KLF4: variants seen among roughly 807,000 people sequenced by gnomAD.
KLF4 encodes KLF transcription factor 4, also known as Krueppel-like factor 4.
In KLF4, 14 loss-of-function variants were observed where a neutral mutation model predicts 38.0. The ratio of observed to expected loss-of-function variants is 0.37; its 90% confidence interval spans 0.24 to 0.58. KLF4 has a LOEUF of 0.58. Ranked by LOEUF, KLF4 falls within the 20% of genes least tolerant of loss-of-function variation. The probability of loss-of-function intolerance (pLI) is 0.76; values close to 1 mark genes in which losing one functional copy is unlikely to be tolerated. For synonymous variants in KLF4, 398 were observed against 302.5 expected (o/e 1.32, Z -3.28); for missense variants, 737 against 670.1 (o/e 1.10, Z -1.10).
In KLF4 at chr9:107,487,928, C is replaced by A. The variant is rs1456009166; in HGVS notation, c.466G>T (p.Ala156Ser). Residue 156 changes from alanine to serine, a missense_variant, in exon 3 of 5, where the codon GCC becomes TCC. By Grantham distance (99) the Ala-to-Ser change is moderately conservative. Coordinates refer to ENST00000374672, the MANE Select transcript of KLF4 (RefSeq NM_004235.6). The surrounding 1 kb of genome is among the most constrained non-coding windows in gnomAD (Gnocchi z 6.1). ...STCSFTYPIR[A>S]GNDPGVAPGG... ...GGCGCCACGCCCGGGTCGTTCCCGG[C>A]CCGGATCGGATAGGTGAAGCTGCAG... 6 of 1,577,842 alleles carry A rather than the reference C, an allele frequency of 3.8e-6. No homozygotes were observed. The South Asian group carries it at 6.9e-5, about 18-fold the overall frequency.
Position 107,488,327 on chromosome 9 carries a change from C to G in KLF4, c.127-60G>C. 6.7e-7 allele frequency: 1 copy of G among 1,481,654 alleles called. No homozygotes were observed. Among genetic ancestry groups the G allele is most frequent in the Non-Finnish European group, 8.9e-7 (1 of 1,120,170 alleles). The allele number at this position is 1,481,654 out of a possible 1,614,324, so 91.8% of individuals were successfully genotyped here. A position where few individuals can be genotyped will look rare whatever the true frequency, so the allele number is the denominator to read the frequency against. ...TGGTCCCCTGTTGCCACCCGACATA[C>G]TGACGTGCTGGCGGGCCACGCGCGA... On this transcript the variant is annotated intron_variant, in intron 2 of 4. Transcript: ENST00000374672. This position sits in a 1 kb window ranked among gnomAD's most constrained non-coding sequence, Gnocchi z 5.7.
At position 107,485,651 on chromosome 9, in the gene KLF4, C is replaced by G. The variant is rs1829046337; in HGVS notation, c.*100G>C. 2.3e-5 allele frequency: 28 copies of G among 1,204,606 alleles called. No individual in the cohort carries two copies. The South Asian group carries it at 4.5e-4, about 19-fold the overall frequency. The allele number at this position is 1,204,606 out of a possible 1,614,324, so 74.6% of individuals were successfully genotyped here. A position where few individuals can be genotyped will look rare whatever the true frequency, so the allele number is the denominator to read the frequency against. On this transcript the variant is annotated 3_prime_UTR_variant, in exon 5 of 5. Transcript: ENST00000374672. The surrounding 1 kb of genome is among the most constrained non-coding windows in gnomAD (Gnocchi z 4.9). ...TGGGAACTTGACCATGATTGTAGTG[C>G]TTTCTGGCTGGGCTCCTTCCCTCAT...
At position 107,487,936 on chromosome 9, in the gene KLF4, G is replaced by C; in HGVS notation, c.458C>G (p.Pro153Arg). Residue 153 changes from proline (P) to arginine (R), a missense_variant, in exon 3 of 5, where the codon CCG (proline) becomes CGG (arginine). This residue lies in a region of KLF4 where 695 missense variants were observed against 554.5 expected (regional missense o/e 1.25). Transcript: ENST00000374672. This position sits in a 1 kb window ranked among gnomAD's most constrained non-coding sequence, Gnocchi z 6.1. The part of the protein sequence containing the change: ...SAPSTCSFTY[P>R]IRAGNDPGVA... Reference sequence around the variant, plus strand: ...GCCCGGGTCGTTCCCGGCCCGGATCGGATAGGTGAAGCTGCAGGTGGAGGG... The same window carrying C: ...GCCCGGGTCGTTCCCGGCCCGGATCCGATAGGTGAAGCTGCAGGTGGAGGG... 1 of 1,581,332 alleles carries C rather than the reference G, an allele frequency of 6.3e-7. No homozygotes were observed. Among genetic ancestry groups the C allele is most frequent in the Non-Finnish European group, 8.6e-7 (1 of 1,164,370 alleles).
In KLF4 at chr9:107,489,558, T is replaced by A. The variant is rs1829157026; in HGVS notation, c.-386A>T. ...GAGACTGGCTGCCGTGGCGCGGAGC[T>A]GCGAACTGGTCGGCGGCGCAAGGCG... On this transcript the variant is annotated 5_prime_UTR_variant, in exon 1 of 5. Transcript: ENST00000374672. 4.5e-6 allele frequency: 1 copy of A among 222,772 alleles called. No homozygotes were observed. Among genetic ancestry groups the A allele is most frequent in the Non-Finnish European group, 8.8e-6 (1 of 114,182 alleles). 13.8% of individuals were successfully genotyped at this position (222,772 alleles called of 1,614,324 possible). A position where few individuals can be genotyped will look rare whatever the true frequency, so the allele number is the denominator to read the frequency against.
rs34660570 is a variant in KLF4 at position 107,487,890 on chromosome 9, G to T, written c.504C>A (p.Gly168=). 1.9e-6 allele frequency: 3 copies of T among 1,553,668 alleles called. No homozygotes were observed. The Admixed American group carries it at 5.8e-5, about 30-fold the overall frequency. The change falls in exon 3 of 5, where the codon GGC becomes GGA. Residue 168 remains glycine (G), a synonymous_variant. Coordinates refer to ENST00000374672, the MANE Select transcript of KLF4 (RefSeq NM_004235.6). This position sits in a 1 kb window ranked among gnomAD's most constrained non-coding sequence, Gnocchi z 6.1. ...NDPGVAPGGT[G]GGLLYGRESA... is the part of the protein sequence containing the mutation. Reference sequence around the variant, plus strand: ...ACTCCCTGCCATAGAGGAGGCCTCCGCCCGTGCCGCCCGGCGCCACGCCCG... The same window carrying T: ...ACTCCCTGCCATAGAGGAGGCCTCCTCCCGTGCCGCCCGGCGCCACGCCCG...
rs1279140573 is a variant in KLF4, at chr9:107,487,910, C to A, written c.484G>T (p.Val162Leu). Residue 162 changes from valine (V) to leucine (L), a missense_variant, in exon 3 of 5, where the codon GTG becomes TTG. Val to Leu is a conservative substitution (Grantham distance 32). Transcript: ENST00000374672. This position sits in a 1 kb window ranked among gnomAD's most constrained non-coding sequence, Gnocchi z 6.1. Reference protein sequence around the residue: ...YPIRAGNDPGVAPGGTGGGLL... With the variant: ...YPIRAGNDPGLAPGGTGGGLL... ...CCTCCGCCCGTGCCGCCCGGCGCCA[C>A]GCCCGGGTCGTTCCCGGCCCGGATC... 1.3e-6 allele frequency: 2 copies of A among 1,569,800 alleles called. No individual in the cohort carries two copies. The highest frequency in any genetic ancestry group is 1.9e-5 in the Admixed American group (1 of 53,184).
Position 107,488,873 on chromosome 9 carries a change from C to G in KLF4, c.126+57G>C. ...TGGTGACCCCAAGGCTCCGCCCGCC[C>G]CCACCACACCCACGAAAACCCACCG... On this transcript the variant is annotated intron_variant, in intron 2 of 4. Transcript: ENST00000374672. The surrounding 1 kb of genome is among the most constrained non-coding windows in gnomAD (Gnocchi z 5.7). The G allele has an allele frequency of 2.0e-6, 3 of 1,529,076 alleles. No homozygotes were observed. The highest frequency in any genetic ancestry group is 2.0e-5 in the Admixed American group (1 of 49,878). The allele number at this position is 1,529,076 out of a possible 1,614,324, so 94.7% of individuals were successfully genotyped here.
chr9:107,486,027 T>A, intron 4 of KLF4, 101 bp from the exon 5 acceptor site: 2 of 1,009,712 alleles, frequency 2.0e-6, no homozygotes, highest in South Asian at 3.0e-5. Flanking sequence ...TCTGACCCTA[T>A]CCTAAAGAAA....
In KLF4 at chr9:107,488,227, G is replaced by T. The variant is rs940325524; in HGVS notation, c.167C>A (p.Pro56Gln). 6.2e-7 allele frequency: 1 copy of T among 1,610,600 alleles called. No homozygotes were observed. Among genetic ancestry groups the T allele is most frequent in the African/African-American group, 1.3e-5 (1 of 74,874 alleles). ...GTCATAGGGGCGGCCGGGAAGCACT[G>T]GGGGAAGTCGCTTCATGTGGGAGAG... is the stretch of plus-strand genomic sequence containing the variant. Reference protein sequence around the residue: ...EELSHMKRLPPVLPGRPYDLA... With the variant: ...EELSHMKRLPQVLPGRPYDLA... The change falls in exon 3 of 5, where the codon CCA (proline) becomes CAA (glutamine). Residue 56 changes from proline (P) to glutamine (Q), a missense_variant. Physicochemically the swap from Pro to Gln is moderately conservative, Grantham distance 76. Around this residue, in one of 2 missense-constraint regions of KLF4, gnomAD observed 695 missense variants for 554.5 expected, o/e 1.25. Transcript: ENST00000374672. This position sits in a 1 kb window ranked among gnomAD's most constrained non-coding sequence, Gnocchi z 5.7.
At chr9:107,486,167 T>C (rs1365908329) in intron 4 of KLF4, among the ~76,000 whole-genome samples, 1 of 152,154 alleles carries the variant, frequency 6.6e-6, no homozygotes, top group African/African-American at 2.4e-5. Flanking sequence ...CACCTACACC[T>C]ATACTAATGT....
At position 107,488,645 on chromosome 9, in the gene KLF4, G is replaced by A. The variant is rs1184520987; in HGVS notation, c.126+285C>T. Among the ~76,000 whole-genome samples, 1 of 152,134 alleles carries A rather than the reference G, an allele frequency of 6.6e-6. No homozygotes were observed. Among genetic ancestry groups the A allele is most frequent in the East Asian group, 1.9e-4 (1 of 5,132 alleles). ...TGGCCCAGCCAGTGTCTGGGGACGCGGCCACCTCCCGCCCGGTGGCCCGAG... is the reference window on the plus strand; with the variant it reads ...TGGCCCAGCCAGTGTCTGGGGACGCAGCCACCTCCCGCCCGGTGGCCCGAG... On this transcript the variant is annotated intron_variant, in intron 2 of 4. Transcript: ENST00000374672. This position sits in a 1 kb window ranked among gnomAD's most constrained non-coding sequence, Gnocchi z 5.7.
chr9:107,488,456 G>T lies in KLF4; in HGVS notation c.127-189C>A. On this transcript the variant is annotated intron_variant, in intron 2 of 4. Transcript: ENST00000374672. The surrounding 1 kb of genome is among the most constrained non-coding windows in gnomAD (Gnocchi z 5.7). Reference sequence around the variant, plus strand: ...ACTCCCGGGTCGAAGAAGAGGTGATGCGTCTGTATTGCGGGTGTTATGTCC... The same window carrying T: ...ACTCCCGGGTCGAAGAAGAGGTGATTCGTCTGTATTGCGGGTGTTATGTCC... The T allele has an allele frequency of 9.8e-7, 1 of 1,016,546 alleles. No individual in the cohort carries two copies. Among genetic ancestry groups the T allele is most frequent in the Non-Finnish European group, 1.4e-6 (1 of 718,602 alleles). 63.0% of individuals were successfully genotyped at this position (1,016,546 alleles called of 1,614,324 possible).
At position 107,485,541 on chromosome 9, in the gene KLF4, C is replaced by T. The variant is rs1253086955; in HGVS notation, c.*210G>A. On this transcript the variant is annotated 3_prime_UTR_variant, in exon 5 of 5. Transcript: ENST00000374672. This position sits in a 1 kb window ranked among gnomAD's most constrained non-coding sequence, Gnocchi z 4.9. Reference sequence around the variant, plus strand: ...ATTTAGAATTGGAATGATAGAAGATCCAGTCACAGACCCCATCTGTTCTTT... The same window carrying T: ...ATTTAGAATTGGAATGATAGAAGATTCAGTCACAGACCCCATCTGTTCTTT... 6 of 475,806 alleles carry T rather than the reference C, an allele frequency of 1.3e-5. No individual in the cohort carries two copies. Among genetic ancestry groups the T allele is most frequent in the Non-Finnish European group, 2.2e-5 (6 of 275,214 alleles). 29.5% of individuals were successfully genotyped at this position (475,806 alleles called of 1,614,324 possible). A position where few individuals can be genotyped will look rare whatever the true frequency, so the allele number is the denominator to read the frequency against.
chr9:107,487,522 C>A lies in KLF4; in HGVS notation c.872G>T (p.Gly291Val), dbSNP rs530489685. The change falls in exon 3 of 5, where the codon GGA becomes GTA. Residue 291 changes from glycine (G) to valine (V), a missense_variant. Transcript: ENST00000374672. This position sits in a 1 kb window ranked among gnomAD's most constrained non-coding sequence, Gnocchi z 6.1. ...CCGGTGGCCATTGCTGAGAGGGGGTCCAGCGCCCAAGTGGGTGCACGAAGA... is the reference window on the plus strand; with the variant it reads ...CCGGTGGCCATTGCTGAGAGGGGGTACAGCGCCCAAGTGGGTGCACGAAGA... ...AVSSCTHLGA[G>V]PPLSNGHRPA... The A allele has an allele frequency of 1.9e-5, 29 of 1,549,676 alleles. No homozygotes were observed. In the South Asian group the frequency reaches 3.2e-4, roughly 17 times the overall value.
chr9:107,486,862 G>A (rs1483338776), intron 4 of KLF4, among the ~76,000 whole-genome samples, 166 bp downstream of exon 4: 2 of 152,120 alleles, frequency 1.3e-5, no homozygotes, highest in African/African-American at 2.4e-5. Context: ...CGGAGATCAA[G>A]GCGATAGACT....
Position 107,489,388 on chromosome 9 carries a change from T to C in KLF4, c.-216A>G, listed in dbSNP as rs1296229117. 5.5e-6 allele frequency: 3 copies of C among 547,936 alleles called. No homozygotes were observed. Among genetic ancestry groups the C allele is most frequent in the Non-Finnish European group, 5.9e-6 (2 of 337,844 alleles). 33.9% of individuals were successfully genotyped at this position (547,936 alleles called of 1,614,324 possible). A position where few individuals can be genotyped will look rare whatever the true frequency, so the allele number is the denominator to read the frequency against. On this transcript the variant is annotated 5_prime_UTR_variant, in exon 1 of 5. Coordinates refer to ENST00000374672, the MANE Select transcript of KLF4 (RefSeq NM_004235.6). ...AAGTTGTAAACGCAAAAATAGACAA[T>C]CAGCAAGGCGAGTAAGTAGGTCCGG...
At position 107,487,180 on chromosome 9, in the gene KLF4, G is replaced by T; in HGVS notation, c.1112C>A (p.Pro371His). Residue 371 changes from proline (P) to histidine (H), a missense_variant, in exon 4 of 5, where the codon CCC becomes CAC. By Grantham distance (77) the Pro-to-His change is moderately conservative (BLOSUM62 -2). Coordinates refer to ENST00000374672, the MANE Select transcript of KLF4 (RefSeq NM_004235.6). The surrounding 1 kb of genome is among the most constrained non-coding windows in gnomAD (Gnocchi z 6.1). ...GGGCTCCTCTGGCATGCAGGAACCG[G>T]GTGGCATGAGCTCTAGGGGTGAAGA... Reference protein sequence around the residue: ...PPLHYQELMPPGSCMPEEPKP... With the variant: ...PPLHYQELMPHGSCMPEEPKP... 1 of 1,614,132 alleles carries T rather than the reference G, an allele frequency of 6.2e-7. No individual in the cohort carries two copies. Among genetic ancestry groups the T allele is most frequent in the Non-Finnish European group, 8.5e-7 (1 of 1,180,018 alleles).
At position 107,487,440 on chromosome 9, in the gene KLF4, G is replaced by A; in HGVS notation, c.954C>T (p.Thr318=). The A allele has an allele frequency of 2.6e-6, 4 of 1,523,920 alleles. No homozygotes were observed. Among genetic ancestry groups the A allele is most frequent in the Non-Finnish European group, 3.5e-6 (4 of 1,137,830 alleles). 94.4% of individuals were successfully genotyped at this position (1,523,920 alleles called of 1,614,324 possible). The part of the protein sequence containing the change: ...GRQLPSRTTP[T]LGLEEVLSSR... ...TGCTCAGCACTTCCTCAAGACCCAGGGTCGGGGTAGTCCTGCTGGGGAGCT... is the reference window on the plus strand; with the variant it reads ...TGCTCAGCACTTCCTCAAGACCCAGAGTCGGGGTAGTCCTGCTGGGGAGCT... Residue 318 remains threonine, a synonymous_variant, in exon 3 of 5, where the codon ACC becomes ACT. Transcript: ENST00000374672. This position sits in a 1 kb window ranked among gnomAD's most constrained non-coding sequence, Gnocchi z 6.1.
rs1467222334 is a variant in KLF4, at chr9:107,488,146, C to G, written c.248G>C (p.Cys83Ser). The G allele has an allele frequency of 6.2e-7, 1 of 1,611,894 alleles. No homozygotes were observed. The highest frequency in any genetic ancestry group is 1.3e-5 in the African/African-American group (1 of 74,930). The part of the protein sequence containing the change: ...DLESGGAGAA[C>S]GGSNLAPLPR... The stretch of plus-strand genomic sequence containing the variant: ...TAGGGGCGCCAGGTTGCTACCGCCG[C>G]AAGCCGCACCGGCTCCGCCGCTCTC... Residue 83 changes from cysteine (C) to serine (S), a missense_variant, in exon 3 of 5, where the codon TGC becomes TCC. Transcript: ENST00000374672. The surrounding 1 kb of genome is among the most constrained non-coding windows in gnomAD (Gnocchi z 5.7).
Sources: gnomAD v4.1 joint callset for allele counts (sites outside exome capture counted in the v4.1 genomes callset) on GRCh38, gnomAD v4.1.1 for gene constraint, gnomAD v4.1.1 regional missense constraint, Gnocchi (gnomAD v3.1) non-coding constraint, MANE v1.5 for transcripts, NCBI Gene and HGNC (gene_info 2026-07-23, HGNC 2026-07-21) for gene names.